The following HCN1 variants were observed in gnomAD, a reference collection of about 807,000 sequenced individuals.
HCN1 encodes the protein potassium/sodium hyperpolarization-activated cyclic nucleotide-gated channel 1.
Under a neutral mutation model 78.9 loss-of-function variants are expected in HCN1, and 13 were observed. The ratio of observed to expected loss-of-function variants is 0.16; its 90% CI spans 0.11 to 0.26. HCN1 has a LOEUF of 0.26. HCN1 is among the 10% of genes least tolerant of loss of function. HCN1 has a pLI of 1.00. For synonymous variants in HCN1, 552 were observed against 455.5 expected (o/e 1.21, Z -2.70); for missense variants, 810 against 1,154.3 (o/e 0.70, Z 4.32).
chr5:45,275,579 A>G (rs566485253), intron 6 of HCN1, among the ~76,000 whole-genome samples: 94 of 152,212 alleles, frequency 6.2e-4, no homozygotes, highest in African/African-American at 2.2e-3. Context: ...TAACTCCTTC[A>G]GCTTGCATAA....
intron 2 of HCN1, among the ~76,000 whole-genome samples, chr5:45,491,515 A>C (rs1023035995): frequency 3.9e-5 from 6 of 152,116 alleles, no homozygotes; most frequent in Admixed American, 3.9e-4. Flanking sequence ...TTTTTCATAG[A>C]CTTGCTAGTT....
Position 45,506,008 on chromosome 5 carries a change from C to T in HCN1, c.850-44001G>A, listed in dbSNP as rs565495666. Among the ~76,000 whole-genome samples the T allele has an allele frequency of 3.9e-5, 6 of 152,110 alleles. 1 individual carries two copies. Among genetic ancestry groups the T allele is most frequent in the African/African-American group, 1.4e-4 (6 of 41,514 alleles). On this transcript the variant is annotated intron_variant, in intron 2 of 7. Transcript: ENST00000303230. ...ATAATTCAAAGTGCAATCTTGCTTG[C>T]CTTCTCCTTGCTGATGTAACAAGGA...
intron 2 of HCN1, among the ~76,000 whole-genome samples, chr5:45,614,732 C>G (rs914398520): frequency 1.3e-5 from 2 of 151,954 alleles, no homozygotes; most frequent in African/African-American, 4.8e-5. Context: ...AGAAAAGAAG[C>G]TAAAGCAGCA....
chr5:45,321,586 C>T (rs1167690399), intron 5 of HCN1, among the ~76,000 whole-genome samples: 2 of 151,790 alleles, frequency 1.3e-5, no homozygotes, highest in Non-Finnish European at 2.9e-5. Flanking sequence ...CATTTTACAG[C>T]TTCTTTAATC....
At chr5:45,267,299 C>A (rs1168345021) in intron 6 of HCN1, 46 bp from the exon 7 acceptor site, 3 of 1,585,560 alleles carry the variant, frequency 1.9e-6, no homozygotes, top group Middle Eastern at 3.3e-4. Flanking sequence ...TGATCATTTT[C>A]TTTTAAAAGC....
intron 4 of HCN1, among the ~76,000 whole-genome samples, chr5:45,378,742 A>C (rs992686511): frequency 2.6e-5 from 4 of 152,086 alleles, no homozygotes; most frequent in Non-Finnish European, 4.4e-5. Flanking sequence ...CATTTACATT[A>C]GGTATATCTC....
At chr5:45,506,759 A>G (rs1305887511) in intron 2 of HCN1, among the ~76,000 whole-genome samples, 3 of 152,160 alleles carry the variant, frequency 2.0e-5, no homozygotes, top group African/African-American at 7.2e-5. Flanking sequence ...TCTGAATTTT[A>G]TTACTAAATC....
At chr5:45,559,959 G>A (rs1025890552) in intron 2 of HCN1, 11 of 152,036 alleles carry the variant, frequency 7.2e-5, no homozygotes, top group African/African-American at 2.4e-4. Context: ...ATATTGAGGC[G>A]GAACTTAGAC....
intron 1 of HCN1, among the ~76,000 whole-genome samples, chr5:45,692,558 T>C (rs181932849): frequency 2.0e-5 from 3 of 152,314 alleles, no homozygotes; most frequent in East Asian, 3.9e-4. Context: ...ACAGTACCTA[T>C]ACTATTGGAC....
intron 6 of HCN1, among the ~76,000 whole-genome samples, chr5:45,288,517 C>T (rs959353769): frequency 1.2e-4 from 18 of 151,904 alleles, no homozygotes; most frequent in African/African-American, 3.6e-4. Context: ...GATTCTGAGC[C>T]CCTGGGTGTT....
intron 6 of HCN1, among the ~76,000 whole-genome samples, chr5:45,281,366 C>T (rs1322440207): frequency 5.9e-5 from 9 of 151,982 alleles, no homozygotes; most frequent in Non-Finnish European, 1.3e-4. Flanking sequence ...ATTTCCTCTT[C>T]ACCTTTCACT....
intron 2 of HCN1, among the ~76,000 whole-genome samples, chr5:45,622,762 C>A (rs1745093660): frequency 6.6e-6 from 1 of 152,108 alleles, no homozygotes; most frequent in South Asian, 2.1e-4. Context: ...AATGGAGAAT[C>A]CATTTCTGAA....
chr5:45,332,481 C>G (rs1348249933), intron 5 of HCN1, among the ~76,000 whole-genome samples: 1 of 151,072 alleles, frequency 6.6e-6, no homozygotes, highest in African/African-American at 2.4e-5. Context: ...CACCTTCCCC[C>G]AACTAAACTT....
chr5:45,520,162 G>T (rs1325078281), intron 2 of HCN1, among the ~76,000 whole-genome samples: 2 of 151,928 alleles, frequency 1.3e-5, no homozygotes, highest in East Asian at 1.9e-4. Flanking sequence ...ATATTGTTTT[G>T]CTTAGCCTGC....
intron 1 of HCN1, among the ~76,000 whole-genome samples, chr5:45,676,405 A>C (rs1393677683): frequency 6.6e-6 from 1 of 151,902 alleles, no homozygotes; most frequent in South Asian, 2.1e-4. Flanking sequence ...TATTAAGTAA[A>C]GTATATCCAT....
intron 6 of HCN1, among the ~76,000 whole-genome samples, chr5:45,278,011 C>T (rs1579773975): frequency 6.6e-6 from 1 of 152,078 alleles, no homozygotes; most frequent in Non-Finnish European, 1.5e-5. Flanking sequence ...GAGATAATTT[C>T]CCTTGCTTCT....
intron 1 of HCN1, among the ~76,000 whole-genome samples, chr5:45,684,438 T>C (rs1158007059): frequency 1.3e-5 from 2 of 152,216 alleles, no homozygotes; most frequent in Non-Finnish European, 2.9e-5. Context: ...TCTAATTCAC[T>C]TACATGGATA....
intron 3 of HCN1, among the ~76,000 whole-genome samples, chr5:45,398,187 TACC>T: frequency 6.6e-6 from 1 of 152,214 alleles, no homozygotes; most frequent in East Asian, 1.9e-4. Context: ...ATCTGTTTCA[TACC>T]AATTTCACAT....
chr5:45,452,332 G>GTT (rs1232001069), intron 3 of HCN1, among the ~76,000 whole-genome samples: 2 of 128,606 alleles, frequency 1.6e-5, no homozygotes, highest in African/African-American at 2.9e-5. Context: ...TTTTTTTTTT[G>GTT]TTTTTTTTTT....
Sources: allele counts gnomAD v4.1 joint callset (sites outside exome capture counted in the v4.1 genomes callset), GRCh38; gene constraint gnomAD v4.1.1; transcripts MANE v1.5; gene names NCBI Gene and HGNC (gene_info 2026-07-23, HGNC 2026-07-21).